EPHB2: variants seen among roughly 807,000 people sequenced by gnomAD.
The protein encoded by EPHB2 is EPH receptor B2, also known as ephrin type-B receptor 2.
Under a neutral mutation model 96.4 loss-of-function variants are expected in EPHB2, and 18 were observed. The ratio of observed to expected loss-of-function variants is 0.19; its 90% confidence interval spans 0.13 to 0.28. The LOEUF is 0.28. EPHB2 is among the 10% of genes least tolerant of loss of function. EPHB2 has a pLI of 1.00. For missense variants in EPHB2, 989 were observed against 1,355.4 expected (o/e 0.73, Z 4.25); for synonymous variants, 506 against 534.1 (o/e 0.95, Z 0.72).
chr1:22,753,407 G>A (rs1226966353), intron 1 of EPHB2, among the ~76,000 whole-genome samples: 3 of 152,176 alleles, frequency 2.0e-5, no homozygotes, highest in Non-Finnish European at 4.4e-5. Context: ...ACATGATCAC[G>A]AGGCACTGGG....
At chr1:22,775,166 G>T (rs752758915) in intron 1 of EPHB2, 2 of 779,432 alleles carry the variant, frequency 2.6e-6, no homozygotes, top group African/African-American at 3.4e-5. Context: ...TATGGCCATG[G>T]CATCTTAAAA....
chr1:22,810,450 G>A (rs1332352132), intron 3 of EPHB2, among the ~76,000 whole-genome samples: 1 of 152,154 alleles, frequency 6.6e-6, no homozygotes, highest in African/African-American at 2.4e-5. Flanking sequence ...CCCCACATTG[G>A]GCCATTACTA....
intron 3 of EPHB2, among the ~76,000 whole-genome samples, chr1:22,799,640 T>G (rs980243883): frequency 6.6e-6 from 1 of 152,202 alleles, no homozygotes; most frequent in Non-Finnish European, 1.5e-5. Context: ...CTTTTGCAGA[T>G]GAGGGAACTG....
intron 3 of EPHB2, among the ~76,000 whole-genome samples, chr1:22,800,089 C>T (rs143082375): frequency 6.6e-6 from 1 of 152,380 alleles, no homozygotes; most frequent in Non-Finnish European, 1.5e-5. Flanking sequence ...CCACACCCTG[C>T]TGTCAGAGCT....
chr1:22,902,920 T>C (rs995330217), intron 9 of EPHB2, among the ~76,000 whole-genome samples: 57 of 152,194 alleles, frequency 3.7e-4, no homozygotes, highest in African/African-American at 1.4e-3. Context: ...TGGCATTTGA[T>C]CTGGTCACAA....
Position 22,784,548 on chromosome 1 carries a change from C to T in EPHB2, c.283C>T (p.Arg95Cys), listed in dbSNP as rs2148424021. 6.2e-7 allele frequency: 1 copy of T among 1,614,114 alleles called. No individual in the cohort carries two copies. The highest frequency in any genetic ancestry group is 2.2e-5 in the East Asian group (1 of 44,874). The change falls in exon 3 of 16, where the codon CGT becomes TGT. Residue 95 changes from arginine to cysteine, a missense_variant. Arg to Cys is a radical substitution (Grantham distance 180, BLOSUM62 -3). Transcript: ENST00000374630. The surrounding 1 kb of genome is among the most constrained non-coding windows in gnomAD (Gnocchi z 5.1). ...RIHVEMKFSV[R>C]DCSSIPSVPG... is the part of the protein sequence containing the mutation. The stretch of plus-strand genomic sequence containing the variant: ...CCACGTGGAGATGAAGTTTTCGGTG[C>T]GTGACTGCAGCAGCATCCCCAGCGT...
intron 1 of EPHB2, among the ~76,000 whole-genome samples, chr1:22,747,960 C>T (rs1644001044): frequency 6.6e-6 from 1 of 152,160 alleles, no homozygotes; most frequent in Non-Finnish European, 1.5e-5. Context: ...TGTGTGAAGC[C>T]AGTAAAGAAC....
At chr1:22,765,181 GCTGT>G (rs1644290600) in intron 1 of EPHB2, among the ~76,000 whole-genome samples, 1 of 152,156 alleles carries the variant, frequency 6.6e-6, no homozygotes, top group Admixed American at 6.5e-5. Flanking sequence ...GAACTCTGAG[GCTGT>G]CTGTAGCATA....
intron 6 of EPHB2, among the ~76,000 whole-genome samples, chr1:22,886,207 C>T (rs372758894): frequency 2.6e-5 from 4 of 152,178 alleles, no homozygotes; most frequent in Non-Finnish European, 4.4e-5. Context: ...GTTCACCAAA[C>T]GCGCAGGTGG....
intron 3 of EPHB2, among the ~76,000 whole-genome samples, chr1:22,845,189 A>G (rs530238113): frequency 6.6e-6 from 1 of 152,218 alleles, no homozygotes; most frequent in Non-Finnish European, 1.5e-5. Flanking sequence ...CATCAGTGAC[A>G]TTGGACAAGC....
intron 1 of EPHB2, among the ~76,000 whole-genome samples, chr1:22,715,826 G>A (rs574938682): frequency 9.2e-5 from 14 of 152,338 alleles, no homozygotes; most frequent in African/African-American, 2.9e-4. Flanking sequence ...GCAAACAGAC[G>A]TGAGTTCAAA....
intron 6 of EPHB2, chr1:22,891,259 A>T: frequency 2.2e-6 from 1 of 452,618 alleles, no homozygotes; most frequent in Admixed American, 2.4e-5. Context: ...GCCTGTAATA[A>T]CATTGCACGC....
chr1:22,799,478 A>G (rs1263501115), intron 3 of EPHB2, among the ~76,000 whole-genome samples: 2 of 152,198 alleles, frequency 1.3e-5, no homozygotes, highest in African/African-American at 4.8e-5. Context: ...TAATAAATGG[A>G]ATATGACAGA....
chr1:22,785,492 C>A (rs1644598406), intron 3 of EPHB2, among the ~76,000 whole-genome samples: 1 of 152,116 alleles, frequency 6.6e-6, no homozygotes, highest in Non-Finnish European at 1.5e-5. Context: ...CAGTATAGAC[C>A]AGACAATGCT....
In EPHB2 at chr1:22,791,837, A is replaced by T. The variant is rs531444320; in HGVS notation, c.811+6761A>T. Among the ~76,000 whole-genome samples the T allele has an allele frequency of 6.0e-4, 92 of 152,120 alleles. 1 individual carries two copies. Among genetic ancestry groups the T allele is most frequent in the African/African-American group, 2.1e-3 (86 of 41,506 alleles). On this transcript the variant is annotated intron_variant, in intron 3 of 15. Coordinates refer to ENST00000374630, the MANE Select transcript of EPHB2 (RefSeq NM_017449.5). ...TCTCTGTCTTTTTGCATTGCTGCTG[A>T]TATTTGCGTAGGATACATTTCTAGG...
At chr1:22,869,257 T>TACTTAAGTGAC (rs1281868252) in intron 5 of EPHB2, among the ~76,000 whole-genome samples, 1 of 152,068 alleles carries the variant, frequency 6.6e-6, no homozygotes, top group Non-Finnish European at 1.5e-5. Context: ...TAGGTCCTAC[T>TACTTAAGTGAC]ACTTAAGTGA....
At chr1:22,758,139 CAATCTCCT>C (rs1373722309) in intron 1 of EPHB2, among the ~76,000 whole-genome samples, 1 of 144,696 alleles carries the variant, frequency 6.9e-6, no homozygotes, top group Non-Finnish European at 1.5e-5. Context: ...AGGATGGTCT[CAATCTCCT>C]GACCTCGTGA....
intron 1 of EPHB2, among the ~76,000 whole-genome samples, chr1:22,713,749 T>C (rs1423482953): frequency 6.6e-6 from 1 of 152,164 alleles, no homozygotes; most frequent in Non-Finnish European, 1.5e-5. Flanking sequence ...CCTTGTCTCC[T>C]CAGCCCGTAA....
chr1:22,714,980 T>C (rs1028242598), intron 1 of EPHB2, among the ~76,000 whole-genome samples: 1 of 152,202 alleles, frequency 6.6e-6, no homozygotes, highest in African/African-American at 2.4e-5. Context: ...AAGACTTGTT[T>C]GGCATCTGCC....
Sources: gnomAD v4.1 joint callset for allele counts (sites outside exome capture counted in the v4.1 genomes callset) on GRCh38, gnomAD v4.1.1 for gene constraint, Gnocchi (gnomAD v3.1) non-coding constraint, MANE v1.5 for transcripts, NCBI Gene and HGNC (gene_info 2026-07-23, HGNC 2026-07-21) for gene names.